DHX33: variants seen among roughly 807,000 people sequenced by gnomAD.
DHX33 encodes the protein DEAH-box helicase 33, also known as ATP-dependent RNA helicase DHX33.
DHX33 carries 42 observed loss-of-function variants against 72.5 expected under a neutral mutation model. The ratio of observed to expected loss-of-function variants is 0.58; its 90% CI spans 0.45 to 0.75. DHX33 has a LOEUF of 0.75. Among genes scored for constraint, DHX33 ranks in the 30% least tolerant of loss-of-function variants. The probability of loss-of-function intolerance (pLI) is 0.00; values close to 1 mark genes in which losing one functional copy is unlikely to be tolerated. For synonymous variants in DHX33, 358 were observed against 366.1 expected, an observed-to-expected ratio of 0.98 and a Z score of 0.25; for missense variants, 842 against 917.5, an observed-to-expected ratio of 0.92 and a Z score of 1.06.
intron 9 of DHX33, 50 bp downstream of exon 9, chr17:5,450,757 C>T (rs3744714): frequency 0.15 from 236,625 of 1,610,142 alleles, 27,268 homozygotes; most frequent in East Asian, 0.63. Context: ...TACTTTGGGA[C>T]GGTTAACTGT....
chr17:5,466,800 G>C (rs1390007279), intron 1 of DHX33, among the ~76,000 whole-genome samples: 1 of 152,190 alleles, frequency 6.6e-6, no homozygotes, highest in African/African-American at 2.4e-5. Flanking sequence ...TGTACACCTA[G>C]CACATAATTA....
chr17:5,461,250 C>T, intron 3 of DHX33, 141 bp from the exon 4 acceptor site: 1 of 792,490 alleles, frequency 1.3e-6, no homozygotes, highest in Non-Finnish European at 1.9e-6. Context: ...CTGAGCAGAA[C>T]AGGCAGAGGA....
chr17:5,466,951 T>C (rs1182180117), intron 1 of DHX33, among the ~76,000 whole-genome samples: 1 of 152,222 alleles, frequency 6.6e-6, no homozygotes, highest in Non-Finnish European at 1.5e-5. Flanking sequence ...GTAAAAAGAT[T>C]ATCAGGAGGG....
At chr17:5,455,438 G>A (rs1917147724) in intron 5 of DHX33, among the ~76,000 whole-genome samples, 167 bp from the exon 6 acceptor site, 1 of 152,180 alleles carries the variant, frequency 6.6e-6, no homozygotes, top group Admixed American at 6.5e-5. Flanking sequence ...AAACCGGGCA[G>A]GGGAAGGGGA....
chr17:5,444,641 G>T lies in DHX33; in HGVS notation c.1816-128C>A. On this transcript the variant is annotated intron_variant, in intron 11 of 11. Coordinates refer to ENST00000225296, the MANE Select transcript of DHX33 (RefSeq NM_020162.4). This position sits in a 1 kb window ranked among gnomAD's most constrained non-coding sequence, Gnocchi z 4.9. ...CCCACATTGTGAGCCTAACGATGTG[G>T]ATTCTGACATTCGGAGGTGGTCACC... 3.1e-6 allele frequency: 3 copies of T among 975,788 alleles called. No individual in the cohort carries two copies. The highest frequency in any genetic ancestry group is 3.0e-6 in the Non-Finnish European group (2 of 669,590). 60.4% of individuals were successfully genotyped at this position (975,788 alleles called of 1,614,324 possible).
At chr17:5,467,292 A>AGACGGCATTGC (rs1904912892) in intron 1 of DHX33, among the ~76,000 whole-genome samples, 1 of 152,190 alleles carries the variant, frequency 6.6e-6, no homozygotes. Context: ...CAACTACCCA[A>AGACGGCATTGC]AAACATCTAC....
intron 1 of DHX33, among the ~76,000 whole-genome samples, chr17:5,466,743 G>A (rs1389356110): frequency 1.3e-5 from 2 of 152,234 alleles, no homozygotes; most frequent in Admixed American, 6.5e-5. Flanking sequence ...GGAGCTAAAT[G>A]CTGAAATAAG....
At chr17:5,456,729 TA>T (rs1274646306) in intron 4 of DHX33, among the ~76,000 whole-genome samples, 1 of 152,118 alleles carries the variant, frequency 6.6e-6, no homozygotes, top group Non-Finnish European at 1.5e-5. Context: ...GGCAAGCAAA[TA>T]AAATCTGCAT....
At chr17:5,450,029 C>G (rs1485808835) in intron 10 of DHX33, among the ~76,000 whole-genome samples, 174 bp downstream of exon 10, 1 of 152,204 alleles carries the variant, frequency 6.6e-6, no homozygotes, top group Admixed American at 6.5e-5. Flanking sequence ...CAGAATGACA[C>G]TGCTTCGGTA....
Position 5,463,084 on chromosome 17 carries a change from A to C in DHX33, c.450+445T>G, listed in dbSNP as rs578052524. ...ACCGAGCGAGACTATCTCCAAAAAA[A>C]AAAAAGTTTCATGTGAAGCTATGTA... On this transcript the variant is annotated intron_variant, in intron 2 of 11. Coordinates refer to ENST00000225296, the MANE Select transcript of DHX33 (RefSeq NM_020162.4). Among the ~76,000 whole-genome samples, 10 of 152,276 alleles carry C rather than the reference A, an allele frequency of 6.6e-5. No individual in the cohort carries two copies. The South Asian group carries it at 2.1e-3, about 32-fold the overall frequency.
Position 5,443,593 on chromosome 17 carries a change from G to A in DHX33, c.*612C>T, listed in dbSNP as rs117100367. 0.01 allele frequency: 1,587 copies of A among 152,524 alleles called. 15 individuals carry two copies. The highest frequency in any genetic ancestry group is 0.054 in the Middle Eastern group (16 of 296). 9.4% of individuals were successfully genotyped at this position (152,524 alleles called of 1,614,324 possible). ...TAGGGATCGCCATCCCAGGAGGTAC[G>A]AGATAACAGCACCTCCCTCTGGAAA... On this transcript the variant is annotated 3_prime_UTR_variant, in exon 12 of 12. Coordinates refer to ENST00000225296, the MANE Select transcript of DHX33 (RefSeq NM_020162.4).
At chr17:5,445,636 C>A (rs1181496818) in intron 11 of DHX33, among the ~76,000 whole-genome samples, 1 of 152,224 alleles carries the variant, frequency 6.6e-6, no homozygotes, top group Non-Finnish European at 1.5e-5. Context: ...AGCTGGCCAG[C>A]TTTTCTCTTC....
chr17:5,441,253 C>G lies in DHX33; in HGVS notation c.*2952G>C, dbSNP rs372647195. ...GCAGAACTTGCCTCCATTCAGGCAT[C>G]TCTTTACAACTGGCAGCAATGCAGC... is the stretch of plus-strand genomic sequence containing the variant. On this transcript the variant is annotated 3_prime_UTR_variant, in exon 12 of 12. Transcript: ENST00000225296. 2 of 152,272 alleles carry G rather than the reference C, an allele frequency of 1.3e-5. No homozygotes were observed. The highest frequency in any genetic ancestry group is 3.8e-4 in the East Asian group (2 of 5,202). The allele number at this position is 152,272 out of a possible 1,614,324, so 9.4% of individuals were successfully genotyped here. A position where few individuals can be genotyped will look rare whatever the true frequency, so the allele number is the denominator to read the frequency against.
Position 5,444,345 on chromosome 17 carries a change from T to C in DHX33, c.1984A>G (p.Lys662Glu). 1 of 1,614,208 alleles carries C rather than the reference T, an allele frequency of 6.2e-7. No homozygotes were observed. The highest frequency in any genetic ancestry group is 1.1e-5 in the South Asian group (1 of 91,092). ...TCAGTGTACACGACGCAGGCCGGCT[T>C]GCAGTGGAAGAGGACAGACGACGGG... ...IHPSSVLFHC[K>E]PACVVYTELL... The change falls in exon 12 of 12, where the codon AAG becomes GAG. Residue 662 changes from lysine to glutamate, a missense_variant. Physicochemically the swap from Lys to Glu is moderately conservative, Grantham distance 56 (BLOSUM62 1). Coordinates refer to ENST00000225296, the MANE Select transcript of DHX33 (RefSeq NM_020162.4). The surrounding 1 kb of genome is among the most constrained non-coding windows in gnomAD (Gnocchi z 4.9).
rs1466318377 is a variant in DHX33, at chr17:5,441,809, CCT to C, written c.*2394_*2395del. On this transcript the variant is annotated 3_prime_UTR_variant, in exon 12 of 12. Coordinates refer to ENST00000225296, the MANE Select transcript of DHX33 (RefSeq NM_020162.4). ...ACTTAGAAGCTGTTTACATCCTTTG[CCT>C]CTCAGAAAAAAAATATACATTTCCG... 6.6e-6 allele frequency: 1 copy of C among 152,164 alleles called. No homozygotes were observed. The highest frequency in any genetic ancestry group is 6.5e-5 in the Admixed American group (1 of 15,288). 9.4% of individuals were successfully genotyped at this position (152,164 alleles called of 1,614,324 possible). A position where few individuals can be genotyped will look rare whatever the true frequency, so the allele number is the denominator to read the frequency against.
intron 2 of DHX33, 78 bp from the exon 3 acceptor site, chr17:5,462,624 G>C: frequency 9.9e-7 from 1 of 1,014,784 alleles, no homozygotes; most frequent in Non-Finnish European, 1.5e-6. Flanking sequence ...TTGGGCACTT[G>C]CACTACCACA....
intron 8 of DHX33, 79 bp downstream of exon 8, chr17:5,453,501 A>G: frequency 8.9e-7 from 1 of 1,124,676 alleles, no homozygotes; most frequent in Non-Finnish European, 1.4e-6. Flanking sequence ...TGACCAATAT[A>G]CTTTATTTTT....
chr17:5,443,255 G>A lies in DHX33; in HGVS notation c.*950C>T, dbSNP rs918275593. 2.1e-5 allele frequency: 3 copies of A among 140,074 alleles called. No homozygotes were observed. Among genetic ancestry groups the A allele is most frequent in the Non-Finnish European group, 4.6e-5 (3 of 65,132 alleles). The allele number at this position is 140,074 out of a possible 1,614,324, so 8.7% of individuals were successfully genotyped here. A position where few individuals can be genotyped will look rare whatever the true frequency, so the allele number is the denominator to read the frequency against. Reference sequence around the variant, plus strand: ...CCACCCCCACCCCCTCTGACCAGGGGACTGCCCGAAAAGAAACAGCTGAAA... The same window carrying A: ...CCACCCCCACCCCCTCTGACCAGGGAACTGCCCGAAAAGAAACAGCTGAAA... On this transcript the variant is annotated 3_prime_UTR_variant, in exon 12 of 12. Transcript: ENST00000225296.
chr17:5,468,969 TC>T lies in DHX33; in HGVS notation c.-111del. On this transcript the variant is annotated 5_prime_UTR_variant, in exon 1 of 12. Transcript: ENST00000225296. ...TTCCTCGCCGCCACGTGCTGGCGGCTCCCGGCGACCACCGATGACCTCACGG... is the reference window on the plus strand; with the variant it reads ...TTCCTCGCCGCCACGTGCTGGCGGCTCCGGCGACCACCGATGACCTCACGG... The T allele has an allele frequency of 1.2e-5, 8 of 640,732 alleles. No homozygotes were observed. Among genetic ancestry groups the T allele is most frequent in the South Asian group, 2.0e-5 (1 of 49,736 alleles). 39.7% of individuals were successfully genotyped at this position (640,732 alleles called of 1,614,324 possible). A position where few individuals can be genotyped will look rare whatever the true frequency, so the allele number is the denominator to read the frequency against.
Sources: allele counts gnomAD v4.1 joint callset (sites outside exome capture counted in the v4.1 genomes callset), GRCh38; gene constraint gnomAD v4.1.1; non-coding constraint Gnocchi (gnomAD v3.1); transcripts MANE v1.5; gene names NCBI Gene and HGNC (gene_info 2026-07-23, HGNC 2026-07-21).